PDSS2: variants seen among roughly 807,000 people sequenced by gnomAD.
PDSS2 encodes decaprenyl diphosphate synthase subunit 2, also known as all trans-polyprenyl-diphosphate synthase PDSS2.
In PDSS2, 31 loss-of-function variants were observed where a neutral mutation model predicts 44.5. That is an observed-to-expected ratio of 0.70 (90% CI 0.52 to 0.94). The LOEUF (loss-of-function observed/expected upper bound fraction) is 0.94, where lower values mean the gene tolerates loss of function less well. PDSS2 is among the 40% of genes least tolerant of loss of function. The pLI, the probability that PDSS2 is intolerant of heterozygous loss-of-function variation, is 0.00. For missense variants in PDSS2, 452 were observed against 482.2 expected (o/e 0.94, Z 0.59); for synonymous variants, 157 against 180.3 (o/e 0.87, Z 1.03).
At chr6:107,237,393 AC>A (rs1173131166) in intron 4 of PDSS2, among the ~76,000 whole-genome samples, 1 of 150,856 alleles carries the variant, frequency 6.6e-6, no homozygotes, top group African/African-American at 2.4e-5. Context: ...ACAGGCACCC[AC>A]CCCCACACCC....
At chr6:107,440,285 GT>G (rs1222987073) in intron 1 of PDSS2, among the ~76,000 whole-genome samples, 1 of 152,180 alleles carries the variant, frequency 6.6e-6, no homozygotes, top group African/African-American at 2.4e-5. Flanking sequence ...GGACTTACCT[GT>G]GTGCCAGTGT....
chr6:107,211,659 G>A (rs1335551488), intron 5 of PDSS2, among the ~76,000 whole-genome samples: 1 of 151,492 alleles, frequency 6.6e-6, no homozygotes, highest in Non-Finnish European at 1.5e-5. Context: ...GAACCTGGGA[G>A]GCAGAGGTTG....
intron 3 of PDSS2, among the ~76,000 whole-genome samples, chr6:107,251,054 C>T (rs548722632): frequency 6.3e-4 from 96 of 152,278 alleles, no homozygotes; most frequent in African/African-American, 2.1e-3. Flanking sequence ...CAGGATTTCA[C>T]CATGTTGGCC....
At chr6:107,322,142 T>C (rs1777399978) in intron 2 of PDSS2, among the ~76,000 whole-genome samples, 1 of 152,200 alleles carries the variant, frequency 6.6e-6, no homozygotes, top group Non-Finnish European at 1.5e-5. Flanking sequence ...CTGTTAGGAA[T>C]TGCCTGTTGC....
At chr6:107,310,464 C>T (rs1777008231) in intron 2 of PDSS2, among the ~76,000 whole-genome samples, 1 of 152,088 alleles carries the variant, frequency 6.6e-6, no homozygotes, top group Admixed American at 6.6e-5. Flanking sequence ...GAGAGATTAC[C>T]TAGGACGCTT....
At chr6:107,262,412 A>AC (rs1302921843) in intron 3 of PDSS2, among the ~76,000 whole-genome samples, 1 of 152,124 alleles carries the variant, frequency 6.6e-6, no homozygotes, top group Non-Finnish European at 1.5e-5. Context: ...TTTCAAGAAG[A>AC]CATAAACCAA....
chr6:107,302,614 C>T (rs548783400), intron 2 of PDSS2, among the ~76,000 whole-genome samples: 1 of 152,184 alleles, frequency 6.6e-6, no homozygotes, highest in East Asian at 1.9e-4. Context: ...CTTTCCCTCT[C>T]TTGGATAATA....
chr6:107,319,749 C>T (rs1375618469), intron 2 of PDSS2, among the ~76,000 whole-genome samples: 1 of 152,102 alleles, frequency 6.6e-6, no homozygotes. Context: ...CCGTTGCAGA[C>T]GTGTCAGTAA....
At chr6:107,458,775 G>T (rs1264956421) in intron 1 of PDSS2, among the ~76,000 whole-genome samples, 1 of 152,100 alleles carries the variant, frequency 6.6e-6, no homozygotes, top group African/African-American at 2.4e-5. Flanking sequence ...GCATACAAGT[G>T]TTTCAAAGAA....
chr6:107,372,563 T>C (rs974957233), intron 1 of PDSS2, among the ~76,000 whole-genome samples: 3 of 152,198 alleles, frequency 2.0e-5, no homozygotes, highest in Non-Finnish European at 2.9e-5. Flanking sequence ...GCCATTCTCC[T>C]GCCTCAGCCT....
intron 1 of PDSS2, among the ~76,000 whole-genome samples, chr6:107,426,832 C>T (rs1297857830): frequency 6.6e-6 from 1 of 152,112 alleles, no homozygotes; most frequent in Non-Finnish European, 1.5e-5. Flanking sequence ...CCATTTGAAA[C>T]AGCTGTACTT....
intron 4 of PDSS2, among the ~76,000 whole-genome samples, chr6:107,214,224 C>T (rs113472725): frequency 1.3e-5 from 2 of 151,890 alleles, no homozygotes; most frequent in East Asian, 1.9e-4. Context: ...CTGCCTCAGC[C>T]TCTCCGAGTA....
intron 3 of PDSS2, among the ~76,000 whole-genome samples, chr6:107,266,539 TATC>T (rs1775418067): frequency 1.3e-5 from 2 of 151,140 alleles, no homozygotes; most frequent in Admixed American, 1.3e-4. Context: ...GAAAAAAACA[TATC>T]ATAGCCTAAA....
At chr6:107,252,110 C>T (rs979325142) in intron 3 of PDSS2, among the ~76,000 whole-genome samples, 1 of 152,106 alleles carries the variant, frequency 6.6e-6, no homozygotes, top group Non-Finnish European at 1.5e-5. Flanking sequence ...CAGCAGTGGC[C>T]AAATGAGGGG....
At position 107,377,998 on chromosome 6, in the gene PDSS2, G is replaced by A. The variant is rs568138300; in HGVS notation, c.297-43666C>T. ...ACATGTGTACATATGTAACTAAACTGCACATTGTGTACATGTACCCTAAAA... is the reference window on the plus strand; with the variant it reads ...ACATGTGTACATATGTAACTAAACTACACATTGTGTACATGTACCCTAAAA... On this transcript the variant is annotated intron_variant, in intron 1 of 7. Coordinates refer to ENST00000369037, the MANE Select transcript of PDSS2 (RefSeq NM_020381.4). Among the ~76,000 whole-genome samples, 11 of 150,158 alleles carry A rather than the reference G, an allele frequency of 7.3e-5. 1 individual carries two copies. The South Asian group carries it at 2.3e-3, about 32-fold the overall frequency.
intron 1 of PDSS2, among the ~76,000 whole-genome samples, chr6:107,402,463 CGT>C (rs1491500978): frequency 0.055 from 1,160 of 21,152 alleles, 54 homozygotes; most frequent in African/African-American, 0.13. Flanking sequence ...CATATATATA[CGT>C]ATATATATGT....
chr6:107,264,414 G>A, intron 3 of PDSS2: 3 of 1,549,142 alleles, frequency 1.9e-6, no homozygotes, highest in Non-Finnish European at 2.6e-6. Context: ...ACCTCCAGGA[G>A]TGACATCATG....
intron 1 of PDSS2, among the ~76,000 whole-genome samples, chr6:107,409,121 T>C (rs1780412053): frequency 6.6e-6 from 1 of 152,066 alleles, no homozygotes; most frequent in Non-Finnish European, 1.5e-5. Context: ...CTCAGATGAG[T>C]CCATGGTAAC....
intron 1 of PDSS2, among the ~76,000 whole-genome samples, chr6:107,429,901 A>AAAAAAATATAT (rs1166637352): frequency 1.3e-3 from 41 of 31,810 alleles, no homozygotes; most frequent in Admixed American, 2.9e-3. Context: ...AAAAAAAAAA[A>AAAAAAATATAT]ATATATATAT....
Sources: gnomAD v4.1 joint callset for allele counts (sites outside exome capture counted in the v4.1 genomes callset) on GRCh38, gnomAD v4.1.1 for gene constraint, MANE v1.5 for transcripts, NCBI Gene and HGNC (gene_info 2026-07-23, HGNC 2026-07-21) for gene names.